The following CERS3 variants were observed in gnomAD, a reference collection of about 807,000 sequenced individuals.
CERS3 encodes LAG1 homolog, ceramide synthase 3.
In CERS3, 33 loss-of-function variants were observed where a neutral mutation model predicts 50.3. That is an observed-to-expected ratio of 0.66 (90% CI 0.50 to 0.88). The LOEUF is 0.88. CERS3 is among the 40% of genes least tolerant of loss of function. The probability of loss-of-function intolerance (pLI) is 0.00; values close to 1 mark genes in which losing one functional copy is unlikely to be tolerated. For missense variants in CERS3, 470 were observed against 460.3 expected (o/e 1.02, Z -0.19); for synonymous variants, 176 against 155.2 (o/e 1.13, Z -0.99).
intron 3 of CERS3, 102 bp from the exon 4 acceptor site, chr15:100,491,033 C>A: frequency 1.4e-6 from 1 of 729,164 alleles, no homozygotes; most frequent in Admixed American, 2.9e-5. Context: ...TGAAATCAGT[C>A]ATTTGTTTAT....
At chr15:100,444,773 G>A (rs950610772) in intron 11 of CERS3, among the ~76,000 whole-genome samples, 1 of 152,114 alleles carries the variant, frequency 6.6e-6, no homozygotes, top group Non-Finnish European at 1.5e-5. Context: ...ATACCTCTTG[G>A]TTTAGGTAGA....
chr15:100,488,782 G>GTTTT (rs34460232), intron 4 of CERS3, among the ~76,000 whole-genome samples: 3 of 144,974 alleles, frequency 2.1e-5, no homozygotes, highest in Admixed American at 6.9e-5. Flanking sequence ...ATATATAACT[G>GTTTT]TTTTTTTTTT....
At chr15:100,533,162 G>T (rs539286136), upstream of CERS3, among the ~76,000 whole-genome samples, 2 of 152,182 alleles carry the variant, frequency 1.3e-5, no homozygotes, top group Admixed American at 1.3e-4. Context: ...GAGGACAACT[G>T]CTTTCCTGCA....
At chr15:100,450,503 T>G (rs2034122740) in intron 11 of CERS3, among the ~76,000 whole-genome samples, 1 of 149,772 alleles carries the variant, frequency 6.7e-6, no homozygotes, top group African/African-American at 2.5e-5. Flanking sequence ...AGAACTCCAT[T>G]AGATAAAAAT....
chr15:100,531,999 G>T (rs143621454), upstream of CERS3, among the ~76,000 whole-genome samples: 2,445 of 152,216 alleles, frequency 0.016, 31 homozygotes, highest in Middle Eastern at 0.085. Flanking sequence ...GAAGGAGAGG[G>T]ATAGGAGAAG....
intron 11 of CERS3, among the ~76,000 whole-genome samples, chr15:100,444,771 T>G (rs1278901689): frequency 6.6e-6 from 1 of 152,170 alleles, no homozygotes; most frequent in African/African-American, 2.4e-5. Flanking sequence ...AAATACCTCT[T>G]GGTTTAGGTA....
chr15:100,506,024 C>T (rs942637935), intron 2 of CERS3, among the ~76,000 whole-genome samples: 6 of 152,094 alleles, frequency 3.9e-5, no homozygotes, highest in African/African-American at 1.4e-4. Flanking sequence ...CCTCTGTGAG[C>T]CTATGGGGTG....
chr15:100,467,784 CACATATATAT>C (rs2034803476), intron 10 of CERS3, among the ~76,000 whole-genome samples: 1 of 131,636 alleles, frequency 7.6e-6, no homozygotes, highest in Non-Finnish European at 1.6e-5. Flanking sequence ...TATATATACA[CACATATATAT>C]GTATATATAT....
At chr15:100,515,711 T>C (rs1308315812) in intron 2 of CERS3, among the ~76,000 whole-genome samples, 3 of 152,248 alleles carry the variant, frequency 2.0e-5, no homozygotes, top group African/African-American at 7.2e-5. Context: ...CACTATGAGA[T>C]TGATAGTTCT....
At chr15:100,417,274 A>T (rs542502126) in intron 11 of CERS3, among the ~76,000 whole-genome samples, 261 of 151,898 alleles carry the variant, frequency 1.7e-3, no homozygotes, top group Non-Finnish European at 2.9e-3. Flanking sequence ...ACTTGGGAAG[A>T]GCAAGGGGTC....
chr15:100,469,564 A>G, intron 9 of CERS3, 80 bp from the exon 10 acceptor site: 1 of 1,016,062 alleles, frequency 9.8e-7, no homozygotes, highest in South Asian at 1.5e-5. Context: ...AAATGATATG[A>G]GGTCTGGGAT....
chr15:100,453,034 C>T (rs1220560449), intron 11 of CERS3, among the ~76,000 whole-genome samples: 2 of 151,938 alleles, frequency 1.3e-5, no homozygotes, highest in Non-Finnish European at 2.9e-5. Context: ...AAGTCCAGGT[C>T]CAGATAGCTG....
intron 11 of CERS3, among the ~76,000 whole-genome samples, chr15:100,447,426 C>A (rs778115559): frequency 1.3e-5 from 2 of 152,222 alleles, no homozygotes; most frequent in Non-Finnish European, 2.9e-5. Flanking sequence ...TGACTGATGA[C>A]TTATATCTCC....
In CERS3 at chr15:100,518,630, C is replaced by G. The variant is rs1348221071; in HGVS notation, c.-2+3037G>C. 2.0e-5 allele frequency among the ~76,000 whole-genome samples: 3 copies of G among 152,344 alleles called. No individual in the cohort carries two copies. The East Asian group carries it at 5.8e-4, about 29-fold the overall frequency. On this transcript the variant is annotated intron_variant, in intron 2 of 11. Transcript: ENST00000679737. ...CATTTACACAATTTTCACGTCATCT[C>G]TCTGCCTATTAGTGAAAATCAGCTG...
upstream of CERS3, among the ~76,000 whole-genome samples, chr15:100,533,742 T>C (rs976490785): frequency 3.9e-5 from 6 of 152,038 alleles, no homozygotes; most frequent in African/African-American, 1.4e-4. Flanking sequence ...GTGTTTTTAG[T>C]AGAGACAGGG....
At chr15:100,501,975 AGTG>A (rs2036017805) in intron 2 of CERS3, 125 bp from the exon 3 acceptor site, 3 of 920,030 alleles carry the variant, frequency 3.3e-6, no homozygotes, top group Non-Finnish European at 4.9e-6. Context: ...GGCCTAGCGC[AGTG>A]GCTCACACCT....
intron 11 of CERS3, among the ~76,000 whole-genome samples, chr15:100,428,276 G>A (rs921987872): frequency 1.3e-5 from 2 of 152,166 alleles, no homozygotes; most frequent in Non-Finnish European, 2.9e-5. Context: ...AGCTAATTTT[G>A]GAGAGCTTGG....
At chr15:100,429,729 C>T (rs534535884) in intron 11 of CERS3, among the ~76,000 whole-genome samples, 9 of 152,256 alleles carry the variant, frequency 5.9e-5, no homozygotes, top group East Asian at 1.9e-4. Context: ...TGACACAGCA[C>T]GGAAAAGCTT....
intron 2 of CERS3, among the ~76,000 whole-genome samples, chr15:100,509,128 A>G (rs937117627): frequency 5.9e-5 from 9 of 152,148 alleles, no homozygotes; most frequent in African/African-American, 1.4e-4. Flanking sequence ...TAGCTAATGT[A>G]GGGGGTTCAC....
Sources: allele counts gnomAD v4.1 joint callset (sites outside exome capture counted in the v4.1 genomes callset), GRCh38; gene constraint gnomAD v4.1.1; transcripts MANE v1.5; gene names NCBI Gene and HGNC (gene_info 2026-07-23, HGNC 2026-07-21).